Variants in ZNF254 observed in about 807,000 individuals in gnomAD.
ZNF254 encodes zinc finger protein 254.
ZNF254 carries 10 observed loss-of-function variants against 12.4 expected under a neutral mutation model. That is an observed-to-expected ratio of 0.80 (90% confidence interval 0.50 to 1.36). ZNF254 has a LOEUF of 1.36. ZNF254 is among the 40% of genes most tolerant of loss of function. The pLI, the probability that ZNF254 is intolerant of heterozygous loss-of-function variation, is 0.00. For synonymous variants in ZNF254, 305 were observed against 253.4 expected, an observed-to-expected ratio of 1.20 and a Z score of -1.93; for missense variants, 996 against 763.9, an observed-to-expected ratio of 1.30 and a Z score of -3.58.
chr19:24,059,002 G>C (rs1166540298), intron 2 of ZNF254, among the ~76,000 whole-genome samples: 1 of 152,166 alleles, frequency 6.6e-6, no homozygotes, highest in Non-Finnish European at 1.5e-5. Context: ...TACCTGGCTG[G>C]TGTGACTCCT....
chr19:24,067,325 G>T (rs1031740208), intron 2 of ZNF254, among the ~76,000 whole-genome samples: 2 of 151,890 alleles, frequency 1.3e-5, no homozygotes, highest in Non-Finnish European at 2.9e-5. Flanking sequence ...CAGGGGATGT[G>T]ATTCTTCTGC....
In ZNF254 at chr19:24,127,426, A is replaced by G. The variant is rs750462925; in HGVS notation, c.1426A>G (p.Thr476Ala). ...TGGCAAGGCATTTATATGGTCCTCAACCCTAACTAGACATAAGAGGATGCA... is the reference window on the plus strand; with the variant it reads ...TGGCAAGGCATTTATATGGTCCTCAGCCCTAACTAGACATAAGAGGATGCA... ...ECGKAFIWSSTLTRHKRMHTG... is the reference protein window; with the variant it reads ...ECGKAFIWSSALTRHKRMHTG... Residue 476 changes from threonine (T) to alanine (A), a missense_variant, in exon 4 of 4, where the codon ACC becomes GCC. Coordinates refer to ENST00000357002, the MANE Select transcript of ZNF254 (RefSeq NM_203282.4). 1.9e-6 allele frequency: 3 copies of G among 1,612,380 alleles called. No individual in the cohort carries two copies. The highest frequency in any genetic ancestry group is 1.1e-5 in the South Asian group (1 of 91,054).
intron 1 of ZNF254, among the ~76,000 whole-genome samples, chr19:24,042,416 G>C (rs1568422281): frequency 1.3e-5 from 2 of 152,262 alleles, no homozygotes; most frequent in East Asian, 3.9e-4. Context: ...CCACACTGTG[G>C]AAACTTTGTT....
At chr19:24,114,837 A>C (rs1166813080) in intron 3 of ZNF254, among the ~76,000 whole-genome samples, 1 of 151,602 alleles carries the variant, frequency 6.6e-6, no homozygotes, top group Non-Finnish European at 1.5e-5. Context: ...TACAAGAAAA[A>C]AACAACCCCA....
rs1024328309 is a variant in ZNF254 at position 24,128,995 on chromosome 19, T to C, written c.*1015T>C. ...GTATTCATATGTGAAAGCATGTGAC[T>C]AATTGTTGCTGCATAAAAGATATGA... On this transcript the variant is annotated 3_prime_UTR_variant, in exon 4 of 4. Transcript: ENST00000357002. The C allele has an allele frequency of 1.4e-5, 2 of 147,594 alleles. No individual in the cohort carries two copies. Among genetic ancestry groups the C allele is most frequent in the African/African-American group, 5.3e-5 (2 of 38,002 alleles). 9.1% of individuals were successfully genotyped at this position (147,594 alleles called of 1,614,324 possible).
intron 3 of ZNF254, among the ~76,000 whole-genome samples, chr19:24,123,704 G>GTTTC (rs1974640218): frequency 6.6e-6 from 1 of 151,768 alleles, no homozygotes; most frequent in Admixed American, 6.6e-5. Context: ...GATGTCCTTT[G>GTTTC]TTTCTTTGGA....
intron 1 of ZNF254, among the ~76,000 whole-genome samples, chr19:24,098,231 A>T (rs962458666): frequency 1.3e-5 from 2 of 152,192 alleles, no homozygotes; most frequent in Non-Finnish European, 2.9e-5. Context: ...AGGCTTATTA[A>T]TTTAACCAAT....
chr19:24,091,330 AT>A (rs1568449985), intron 1 of ZNF254, among the ~76,000 whole-genome samples: 1 of 149,088 alleles, frequency 6.7e-6, no homozygotes, highest in African/African-American at 2.5e-5. Context: ...AAAAAAAAAA[AT>A]CTCTCTTCAA....
chr19:24,097,834 G>A (rs1599701524), intron 1 of ZNF254, among the ~76,000 whole-genome samples: 2 of 135,376 alleles, frequency 1.5e-5, no homozygotes, highest in South Asian at 4.8e-4. Context: ...AAATATACAA[G>A]CAAACAACAA....
chr19:24,045,293 T>G (rs1970335879), intron 1 of ZNF254, among the ~76,000 whole-genome samples: 2 of 152,144 alleles, frequency 1.3e-5, no homozygotes, highest in South Asian at 4.1e-4. Flanking sequence ...TCTGTAACCA[T>G]TTATCTTTTT....
At chr19:24,118,416 G>C (rs775828418) in intron 3 of ZNF254, among the ~76,000 whole-genome samples, 2 of 152,000 alleles carry the variant, frequency 1.3e-5, no homozygotes, top group African/African-American at 4.8e-5. Flanking sequence ...TCATTTAAAT[G>C]GATGTGATGG....
chr19:24,111,967 C>T (rs199955031), intron 3 of ZNF254, among the ~76,000 whole-genome samples: 2 of 151,840 alleles, frequency 1.3e-5, no homozygotes, highest in Non-Finnish European at 2.9e-5. Context: ...GATCCCATTT[C>T]TCAATTTTGG....
intron 2 of ZNF254, chr19:24,063,794 T>A (rs1057118145): frequency 2.0e-5 from 3 of 151,892 alleles, no homozygotes; most frequent in African/African-American, 7.2e-5. Flanking sequence ...TTTTTTTTTT[T>A]TTGCTTTGGC....
At chr19:24,067,842 T>C (rs1413572478) in intron 2 of ZNF254, among the ~76,000 whole-genome samples, 3 of 152,152 alleles carry the variant, frequency 2.0e-5, no homozygotes, top group Admixed American at 6.5e-5. Context: ...ACCCAGGTAA[T>C]GTGAGTCTTC....
chr19:24,049,196 A>G (rs1205707270), intron 2 of ZNF254, among the ~76,000 whole-genome samples: 1 of 57,712 alleles, frequency 1.7e-5, no homozygotes, highest in Non-Finnish European at 3.3e-5. Context: ...ATATATATAT[A>G]TATATATATA....
In ZNF254 at chr19:24,126,412, G is replaced by A. The variant is rs745608679; in HGVS notation, c.412G>A (p.Gly138Ser). 1.2e-5 allele frequency: 19 copies of A among 1,603,954 alleles called. No homozygotes were observed. Among genetic ancestry groups the A allele is most frequent in the Non-Finnish European group, 1.4e-5 (17 of 1,177,296 alleles). Reference sequence around the variant, plus strand: ...GGATGAGTATAAGGTGAACAAAGAAGGTTATAATGGACTTAACCAGTGTTT... The same window carrying A: ...GGATGAGTATAAGGTGAACAAAGAAAGTTATAATGGACTTAACCAGTGTTT... The part of the protein sequence containing the change: ...SVDEYKVNKE[G>S]YNGLNQCFTT... Residue 138 changes from glycine (G) to serine (S), a missense_variant, in exon 4 of 4, where the codon GGT (glycine) becomes AGT (serine). Gly to Ser is a moderately conservative substitution (Grantham distance 56, BLOSUM62 0). Transcript: ENST00000357002.
chr19:24,124,858 C>T (rs537403473), intron 3 of ZNF254, among the ~76,000 whole-genome samples: 1 of 151,962 alleles, frequency 6.6e-6, no homozygotes, highest in South Asian at 2.1e-4. Context: ...ACTGCAAGCT[C>T]CACTTCCTGG....
At chr19:24,120,061 G>T (rs1974375655) in intron 3 of ZNF254, among the ~76,000 whole-genome samples, 1 of 152,094 alleles carries the variant, frequency 6.6e-6, no homozygotes, top group Admixed American at 6.6e-5. Context: ...AGGTTTATTG[G>T]TCACAGTTTC....
chr19:24,069,604 CAAAAAA>C (rs968664535), intron 2 of ZNF254, among the ~76,000 whole-genome samples: 1 of 36,704 alleles, frequency 2.7e-5, no homozygotes, highest in Non-Finnish European at 4.9e-5. Context: ...GACTCCATCT[CAAAAAA>C]AAAAAAAAAA....
Sources: allele counts gnomAD v4.1 joint callset (sites outside exome capture counted in the v4.1 genomes callset), GRCh38; gene constraint gnomAD v4.1.1; transcripts MANE v1.5; gene names NCBI Gene and HGNC (gene_info 2026-07-23, HGNC 2026-07-21).